HYAL2: variants seen among roughly 807,000 people sequenced by gnomAD.
HYAL2 encodes hyaluronidase 2, also known as hyaluronidase-2.
A neutral mutation model predicts 35.4 loss-of-function variants in HYAL2; 30 were observed. The observed-to-expected ratio is 0.85, with a 90% confidence interval of 0.63 to 1.15. HYAL2 has a LOEUF of 1.15. HYAL2 is among the 50% of genes most tolerant of loss of function. The probability of loss-of-function intolerance (pLI) is 0.00; values close to 1 mark genes in which losing one functional copy is unlikely to be tolerated. For synonymous variants in HYAL2, 262 were observed against 252.8 expected, an observed-to-expected ratio of 1.04 and a Z score of -0.34; for missense variants, 635 against 646.5, an observed-to-expected ratio of 0.98 and a Z score of 0.19.
rs1553716844 is a variant in HYAL2 at position 50,322,175 on chromosome 3, G to C, written c.-47+478C>G. On this transcript the variant is annotated intron_variant, in intron 1 of 3. Transcript: ENST00000357750. This position sits in a 1 kb window ranked among gnomAD's most constrained non-coding sequence, Gnocchi z 5.5. ...CCCGGCTCTGGGTCGCGGCGTGGCC[G>C]CAGGGTTGGGGTCAGGGAAGCTCAG... is the stretch of plus-strand genomic sequence containing the variant. The C allele has an allele frequency of 6.6e-6, 1 of 150,726 alleles. No homozygotes were observed. Among genetic ancestry groups the C allele is most frequent in the Non-Finnish European group, 1.5e-5 (1 of 68,238 alleles). The allele number at this position is 150,726 out of a possible 1,614,324, so 9.3% of individuals were successfully genotyped here.
rs1702611684 is a variant in HYAL2 at position 50,318,602 on chromosome 3, GA to G, written c.1012-64del. ...CTGCCTCAGCCCACAGGCCCAGATG[GA>G]AACTGTGTCCACACTGTGATGACTA... On this transcript the variant is annotated intron_variant, in intron 3 of 3. Transcript: ENST00000357750. The surrounding 1 kb of genome is among the most constrained non-coding windows in gnomAD (Gnocchi z 4.5). 2.8e-6 allele frequency: 4 copies of G among 1,444,236 alleles called. No individual in the cohort carries two copies. The Admixed American group carries it at 8.0e-5, about 29-fold the overall frequency. 89.5% of individuals were successfully genotyped at this position (1,444,236 alleles called of 1,614,324 possible). A position where few individuals can be genotyped will look rare whatever the true frequency, so the allele number is the denominator to read the frequency against.
In HYAL2 at chr3:50,319,626, G is replaced by C. The variant is rs587768055; in HGVS notation, c.864C>G (p.Leu288=). 34 of 1,613,882 alleles carry C rather than the reference G, an allele frequency of 2.1e-5. 1 individual carries two copies. The East Asian group carries it at 6.9e-4, about 33-fold the overall frequency. ...VARTHHANHA[L]PVYVFTRPTY... is the part of the protein sequence containing the mutation. ...TGGGTCGTGTGAAGACGTAGACTGG[G>C]AGTGCATGGTTGGCATGGTGGGTGC... Residue 288 remains leucine, a synonymous_variant, in exon 2 of 4, where the codon CTC becomes CTG. Transcript: ENST00000357750.
Position 50,317,983 on chromosome 3 carries a change from T to C in HYAL2, c.*146A>G, listed in dbSNP as rs906581423. The C allele has an allele frequency of 1.1e-5, 9 of 787,240 alleles. No homozygotes were observed. The highest frequency in any genetic ancestry group is 1.8e-5 in the Non-Finnish European group (9 of 494,048). 48.8% of individuals were successfully genotyped at this position (787,240 alleles called of 1,614,324 possible). ...TCCCCTCCCCCTTAGAACAGGGGGGTGCGAGCTGGTATGGATGCCCTCCTG... is the reference window on the plus strand; with the variant it reads ...TCCCCTCCCCCTTAGAACAGGGGGGCGCGAGCTGGTATGGATGCCCTCCTG... On this transcript the variant is annotated 3_prime_UTR_variant, in exon 4 of 4. Transcript: ENST00000357750.
intron 1 of HYAL2, chr3:50,321,196 G>A (rs1575532283): frequency 1.3e-5 from 2 of 152,226 alleles, no homozygotes; most frequent in South Asian, 2.1e-4. Context: ...CAGGGCTAGA[G>A]CGCGCTCCGC....
In HYAL2 at chr3:50,320,453, G is replaced by A. The variant is rs1702662266; in HGVS notation, c.37C>T (p.Leu13=). 6.4e-7 allele frequency: 1 copy of A among 1,573,176 alleles called. No individual in the cohort carries two copies. The highest frequency in any genetic ancestry group is 1.8e-5 in the Admixed American group (1 of 56,752). The part of the protein sequence containing the change: ...AGPGPTVTLA[L]VLAVSWAMEL... ...ATGGCCCATGACACCGCCAGCACCA[G>A]GGCCAATGTAACGGTGGGGCCTGGG... The change falls in exon 2 of 4, where the codon CTG becomes TTG. Residue 13 remains leucine, a synonymous_variant. Transcript: ENST00000357750. This position sits in a 1 kb window ranked among gnomAD's most constrained non-coding sequence, Gnocchi z 4.8.
In HYAL2 at chr3:50,320,002, TGA is replaced by T; in HGVS notation, c.486_487del (p.His163ProfsTer2). On this transcript the variant is annotated frameshift_variant, in exon 2 of 4. Coordinates refer to ENST00000357750, the MANE Select transcript of HYAL2 (RefSeq NM_003773.5). LOFTEE classifies it high-confidence loss of function. This position sits in a 1 kb window ranked among gnomAD's most constrained non-coding sequence, Gnocchi z 4.8. ...TATGCGGTCTGGAGGCCAGTCAGGGTGACGACTGGCCACTAGCTGGCGTGATA... is the reference window on the plus strand; with the variant it reads ...TATGCGGTCTGGAGGCCAGTCAGGGTCGACTGGCCACTAGCTGGCGTGATA... 1 of 1,613,356 alleles carries T rather than the reference TGA, an allele frequency of 6.2e-7. No individual in the cohort carries two copies. Among genetic ancestry groups the T allele is most frequent in the Admixed American group, 1.7e-5 (1 of 60,026 alleles).
Position 50,318,822 on chromosome 3 carries a change from G to A in HYAL2, c.1011+134C>T. ...AGGGCCGGGGTGACCTCCTCCTGTT[G>A]CCACCAGGGATGCCTCGGGTGGGAG... On this transcript the variant is annotated intron_variant, in intron 3 of 3. Transcript: ENST00000357750. This position sits in a 1 kb window ranked among gnomAD's most constrained non-coding sequence, Gnocchi z 4.5. 1 of 811,066 alleles carries A rather than the reference G, an allele frequency of 1.2e-6. No individual in the cohort carries two copies. Among genetic ancestry groups the A allele is most frequent in the Non-Finnish European group, 2.1e-6 (1 of 481,068 alleles). 50.2% of individuals were successfully genotyped at this position (811,066 alleles called of 1,614,324 possible). A position where few individuals can be genotyped will look rare whatever the true frequency, so the allele number is the denominator to read the frequency against.
chr3:50,319,964 G>T lies in HYAL2; in HGVS notation c.526C>A (p.Gln176Lys). The T allele has an allele frequency of 6.2e-7, 1 of 1,613,586 alleles. No homozygotes were observed. Among genetic ancestry groups the T allele is most frequent in the Non-Finnish European group, 8.5e-7 (1 of 1,180,046 alleles). Residue 176 changes from glutamine to lysine, a missense_variant, in exon 2 of 4, where the codon CAA becomes AAA. Gln to Lys is a moderately conservative substitution (Grantham distance 53). Coordinates refer to ENST00000357750, the MANE Select transcript of HYAL2 (RefSeq NM_003773.5). The part of the protein sequence containing the change: ...WPPDRIVKQA[Q>K]YEFEFAAQQF... ...TGTGCTGCGAACTCAAACTCATATT[G>T]TGCCTGTTTGACTATGCGGTCTGGA...
At position 50,318,624 on chromosome 3, in the gene HYAL2, G is replaced by A. The variant is rs1702612044; in HGVS notation, c.1012-85C>T. The A allele has an allele frequency of 1.6e-6, 2 of 1,238,366 alleles. No individual in the cohort carries two copies. The highest frequency in any genetic ancestry group is 2.1e-4 in the Middle Eastern group (1 of 4,874). 76.7% of individuals were successfully genotyped at this position (1,238,366 alleles called of 1,614,324 possible). A position where few individuals can be genotyped will look rare whatever the true frequency, so the allele number is the denominator to read the frequency against. The stretch of plus-strand genomic sequence containing the variant: ...ATGGAAACTGTGTCCACACTGTGAT[G>A]ACTATACCTTATTTTAACTGCACAC... On this transcript the variant is annotated intron_variant, in intron 3 of 3. Coordinates refer to ENST00000357750, the MANE Select transcript of HYAL2 (RefSeq NM_003773.5). This position sits in a 1 kb window ranked among gnomAD's most constrained non-coding sequence, Gnocchi z 4.5.
intron 1 of HYAL2, chr3:50,321,818 G>GTT (rs1702704494): frequency 1.4e-5 from 1 of 72,140 alleles, no homozygotes; most frequent in Non-Finnish European, 2.1e-5. Context: ...GACGGGAAGG[G>GTT]GGGGGGGGGG....
In HYAL2 at chr3:50,318,193, C is replaced by G. The variant is rs1553715819; in HGVS notation, c.1358G>C (p.Trp453Ser). 1 of 1,612,052 alleles carries G rather than the reference C, an allele frequency of 6.2e-7. No individual in the cohort carries two copies. The highest frequency in any genetic ancestry group is 1.1e-5 in the South Asian group (1 of 90,848). ...RQAAGGASEA[W>S]AGSHLTSLLA... ...CAGACTGGTGAGGTGGGACCCAGCC[C>G]AGGCCTCGCTGGCACCTCCAGCTGC... Residue 453 changes from tryptophan (W) to serine (S), a missense_variant, in exon 4 of 4, where the codon TGG (tryptophan) becomes TCG (serine). By Grantham distance (177) the Trp-to-Ser change is radical. Coordinates refer to ENST00000357750, the MANE Select transcript of HYAL2 (RefSeq NM_003773.5). The surrounding 1 kb of genome is among the most constrained non-coding windows in gnomAD (Gnocchi z 4.5).
In HYAL2 at chr3:50,318,838, C is replaced by T. The variant is rs587688940; in HGVS notation, c.1011+118G>A. 453 of 906,280 alleles carry T rather than the reference C, an allele frequency of 5.0e-4. No individual in the cohort carries two copies. The highest frequency in any genetic ancestry group is 7.1e-4 in the Non-Finnish European group (395 of 558,878). 56.1% of individuals were successfully genotyped at this position (906,280 alleles called of 1,614,324 possible). A position where few individuals can be genotyped will look rare whatever the true frequency, so the allele number is the denominator to read the frequency against. ...CCTCCTGTTGCCACCAGGGATGCCT[C>T]GGGTGGGAGACAGACAAGGGGACCA... On this transcript the variant is annotated intron_variant, in intron 3 of 3. Coordinates refer to ENST00000357750, the MANE Select transcript of HYAL2 (RefSeq NM_003773.5). The surrounding 1 kb of genome is among the most constrained non-coding windows in gnomAD (Gnocchi z 4.5).
chr3:50,320,226 G>C lies in HYAL2; in HGVS notation c.264C>G (p.Arg88=). ...FYRDRLGLYP[R]FDSAGRSVHG... ...GCACAGACCTTCCGGCAGAATCGAA[G>C]CGTGGATACAGGCCTAGACGGTCGC... The change falls in exon 2 of 4, where the codon CGC becomes CGG. Residue 88 remains arginine (R), a synonymous_variant. Coordinates refer to ENST00000357750, the MANE Select transcript of HYAL2 (RefSeq NM_003773.5). This position sits in a 1 kb window ranked among gnomAD's most constrained non-coding sequence, Gnocchi z 4.8. 2 of 1,614,006 alleles carry C rather than the reference G, an allele frequency of 1.2e-6. No individual in the cohort carries two copies. The highest frequency in any genetic ancestry group is 1.7e-6 in the Non-Finnish European group (2 of 1,180,052).
rs75801519 is a variant in HYAL2 at position 50,318,173 on chromosome 3, T to C, written c.1378A>G (p.Ser460Gly). Residue 460 changes from serine to glycine, a missense_variant, in exon 4 of 4, where the codon AGT becomes GGT. By Grantham distance (56) the Ser-to-Gly change is moderately conservative. Transcript: ENST00000357750. The surrounding 1 kb of genome is among the most constrained non-coding windows in gnomAD (Gnocchi z 4.5). ...SEAWAGSHLTSLLALAALAFT... is the reference protein window; with the variant it reads ...SEAWAGSHLTGLLALAALAFT... ...GCCAGGGCTGCCAGAGCCAGCAGAC[T>C]GGTGAGGTGGGACCCAGCCCAGGCC... 1.1e-5 allele frequency: 18 copies of C among 1,597,942 alleles called. No individual in the cohort carries two copies. Among genetic ancestry groups the C allele is most frequent in the East Asian group, 2.2e-5 (1 of 44,654 alleles).
chr3:50,318,375 G>A lies in HYAL2; in HGVS notation c.1176C>T (p.Asn392=). The part of the protein sequence containing the change: ...SASTFLHLST[N]SFRLVPGHAP... ...CATGGCCAGGCACTAGGCGGAAACT[G>A]TTGGTGCTGAGATGCAGGAAGGTAC... Residue 392 remains asparagine, a synonymous_variant, in exon 4 of 4, where the codon AAC becomes AAT. Coordinates refer to ENST00000357750, the MANE Select transcript of HYAL2 (RefSeq NM_003773.5). This position sits in a 1 kb window ranked among gnomAD's most constrained non-coding sequence, Gnocchi z 4.5. 2 of 1,613,404 alleles carry A rather than the reference G, an allele frequency of 1.2e-6. No individual in the cohort carries two copies. Among genetic ancestry groups the A allele is most frequent in the Non-Finnish European group, 1.7e-6 (2 of 1,180,040 alleles).
rs781825389 is a variant in HYAL2 at position 50,318,379 on chromosome 3, G to A, written c.1172C>T (p.Thr391Ile). 6.2e-7 allele frequency: 1 copy of A among 1,613,380 alleles called. No homozygotes were observed. The highest frequency in any genetic ancestry group is 1.1e-5 in the South Asian group (1 of 91,090). Residue 391 changes from threonine (T) to isoleucine (I), a missense_variant, in exon 4 of 4, where the codon ACC (threonine) becomes ATC (isoleucine). By Grantham distance (89) the Thr-to-Ile change is moderately conservative. Transcript: ENST00000357750. This position sits in a 1 kb window ranked among gnomAD's most constrained non-coding sequence, Gnocchi z 4.5. Reference protein sequence around the residue: ...PSASTFLHLSTNSFRLVPGHA... With the variant: ...PSASTFLHLSINSFRLVPGHA... ...GCCAGGCACTAGGCGGAAACTGTTG[G>A]TGCTGAGATGCAGGAAGGTACTGGC...
rs1553715939 is a variant in HYAL2, at chr3:50,318,571, G to A, written c.1012-32C>T. ...GCAGAAGACAAGGACCACAGGTCAG[G>A]GTCAGCTGCCTCAGCCCACAGGCCC... On this transcript the variant is annotated intron_variant, in intron 3 of 3. Transcript: ENST00000357750. The surrounding 1 kb of genome is among the most constrained non-coding windows in gnomAD (Gnocchi z 4.5). 6.4e-7 allele frequency: 1 copy of A among 1,565,598 alleles called. No individual in the cohort carries two copies. Among genetic ancestry groups the A allele is most frequent in the South Asian group, 1.2e-5 (1 of 83,852 alleles).
At position 50,319,819 on chromosome 3, in the gene HYAL2, G is replaced by C. The variant is rs1702644357; in HGVS notation, c.671C>G (p.Thr224Arg). ...HDYVQNWESY[T>R]GRCPDVEVAR... ...CACCTCAACATCAGGGCAGCGGCCT[G>C]TGTAGCTCTCCCAGTTCTGCACATA... Residue 224 changes from threonine (T) to arginine (R), a missense_variant, in exon 2 of 4, where the codon ACA becomes AGA. By Grantham distance (71) the Thr-to-Arg change is moderately conservative. Transcript: ENST00000357750. 6.2e-7 allele frequency: 1 copy of C among 1,613,736 alleles called. No homozygotes were observed. The highest frequency in any genetic ancestry group is 1.7e-5 in the Admixed American group (1 of 60,024).
intron 2 of HYAL2, 102 bp from the exon 3 acceptor site, chr3:50,319,147 C>T (rs782518305): frequency 7.3e-5 from 53 of 726,414 alleles, no homozygotes; most frequent in Non-Finnish European, 6.4e-5. Context: ...TGCTGAACTC[C>T]CAGCTCAACC....
Sources: allele counts gnomAD v4.1 joint callset, GRCh38; gene constraint gnomAD v4.1.1; non-coding constraint Gnocchi (gnomAD v3.1); transcripts MANE v1.5; gene names NCBI Gene and HGNC (gene_info 2026-07-23, HGNC 2026-07-21).